ADGRV1: variants seen among roughly 807,000 people sequenced by gnomAD.
ADGRV1 encodes the protein G-protein coupled receptor 98.
A neutral mutation model predicts 596.2 loss-of-function variants in ADGRV1; 359 were observed. The observed-to-expected ratio is 0.60, with a 90% CI of 0.55 to 0.66. The LOEUF (loss-of-function observed/expected upper bound fraction) is 0.66. Among genes scored for constraint, ADGRV1 ranks in the 30% least tolerant of loss-of-function variants. The pLI, the probability that ADGRV1 is intolerant of heterozygous loss-of-function variation, is 0.00. For synonymous variants in ADGRV1, 2,681 were observed against 2,679.2 expected, an observed-to-expected ratio of 1.00 and a Z score of -0.02; for missense variants, 7,274 against 7,575.6, an observed-to-expected ratio of 0.96 and a Z score of 1.48.
intron 85 of ADGRV1, among the ~76,000 whole-genome samples, chr5:91,009,662 A>T (rs78720904): frequency 0.19 from 28,908 of 151,980 alleles, 2,920 homozygotes; most frequent in East Asian, 0.35. Context: ...TTTTAATAAA[A>T]GAATTCCATG....
chr5:90,938,273 TCTTTC>T (rs1775881697), intron 83 of ADGRV1, among the ~76,000 whole-genome samples: 2 of 152,352 alleles, frequency 1.3e-5, no homozygotes, highest in African/African-American at 4.8e-5. Flanking sequence ...AGCAACCTTT[TCTTTC>T]CTTACATCCA....
chr5:90,962,212 A>G (rs184949992), intron 83 of ADGRV1, among the ~76,000 whole-genome samples: 66 of 152,362 alleles, frequency 4.3e-4, no homozygotes, highest in African/African-American at 1.4e-3. Context: ...AGTTATACAC[A>G]AAAGAACGAG....
intron 70 of ADGRV1, among the ~76,000 whole-genome samples, chr5:90,801,212 C>T (rs1045922744): frequency 1.3e-5 from 2 of 151,898 alleles, no homozygotes; most frequent in East Asian, 1.9e-4. Flanking sequence ...TTAATCTAAC[C>T]TCTTTTCTTC....
intron 87 of ADGRV1, among the ~76,000 whole-genome samples, chr5:91,121,509 G>T (rs2126748143): frequency 6.6e-6 from 1 of 152,144 alleles, no homozygotes; most frequent in East Asian, 1.9e-4. Flanking sequence ...TCAACCCCCG[G>T]AGCTGATGGG....
intron 49 of ADGRV1, among the ~76,000 whole-genome samples, chr5:90,729,257 C>T (rs547073356): frequency 1.8e-4 from 27 of 152,152 alleles, no homozygotes; most frequent in African/African-American, 6.0e-4. Flanking sequence ...CTTGATGTGC[C>T]ATGAATAATT....
intron 83 of ADGRV1, among the ~76,000 whole-genome samples, chr5:90,865,387 A>G (rs1025442744): frequency 6.6e-6 from 1 of 152,286 alleles, no homozygotes; most frequent in Middle Eastern, 3.4e-3. Flanking sequence ...TTATAGCACT[A>G]TAGAATTACA....
rs747821416 is a variant in ADGRV1, at chr5:90,658,141, G to A, written c.4615G>A (p.Glu1539Lys). 16 of 1,613,148 alleles carry A rather than the reference G, an allele frequency of 9.9e-6. No individual in the cohort carries two copies. The South Asian group carries it at 1.8e-4, about 18-fold the overall frequency. ...ARDDNDEEGEELFILKLVSVY... is the reference protein window; with the variant it reads ...ARDDNDEEGEKLFILKLVSVY... ...AGATGACAATGACGAGGAAGGAGAA[G>A]AATTATTCATTCTTAAACTAGTTTC... Residue 1539 changes from glutamate (E) to lysine (K), a missense_variant, in exon 21 of 90, where the codon GAA becomes AAA. This residue lies in a region of ADGRV1 where 3,643 missense variants were observed against 3,809.2 expected (regional missense o/e 0.96). Coordinates refer to ENST00000405460, the MANE Select transcript of ADGRV1 (RefSeq NM_032119.4).
intron 34 of ADGRV1, 54 bp downstream of exon 34, chr5:90,697,200 T>C: frequency 6.8e-7 from 1 of 1,461,748 alleles, no homozygotes; most frequent in Non-Finnish European, 9.5e-7. Flanking sequence ...GGATGTTGTC[T>C]TTTGTCTAGT....
chr5:90,979,075 A>G (rs1278338842), intron 84 of ADGRV1, among the ~76,000 whole-genome samples: 1 of 152,150 alleles, frequency 6.6e-6, no homozygotes. Flanking sequence ...AGTAAAACAT[A>G]TCTCCACTGG....
chr5:90,613,601 C>T (rs548096067), intron 1 of ADGRV1, among the ~76,000 whole-genome samples: 122 of 152,212 alleles, frequency 8.0e-4, no homozygotes, highest in Middle Eastern at 3.4e-3. Context: ...CAAAGGAAGT[C>T]CCAATCCTTC....
At position 90,628,699 on chromosome 5, in the gene ADGRV1, C is replaced by T. The variant is rs1765116634; in HGVS notation, c.1376C>T (p.Ala459Val). ...CCGAGCTCTGGAGTTCTCCATTTTG[C>T]ACAAGGGCAGATGTTGGCAACAATT... is the stretch of plus-strand genomic sequence containing the variant. ...IRPSSGVLHFAQGQMLATIPL... is the reference protein window; with the variant it reads ...IRPSSGVLHFVQGQMLATIPL... Residue 459 changes from alanine (A) to valine (V), a missense_variant, in exon 8 of 90, where the codon GCA becomes GTA. Transcript: ENST00000405460. The T allele has an allele frequency of 1.9e-6, 3 of 1,613,892 alleles. No individual in the cohort carries two copies. Among genetic ancestry groups the T allele is most frequent in the Non-Finnish European group, 2.5e-6 (3 of 1,179,892 alleles).
At chr5:90,962,509 T>C (rs1778123225) in intron 83 of ADGRV1, among the ~76,000 whole-genome samples, 1 of 152,254 alleles carries the variant, frequency 6.6e-6, no homozygotes, top group Non-Finnish European at 1.5e-5. Context: ...TTATGTAGCC[T>C]TAAAAATGAG....
Position 90,653,686 on chromosome 5 carries a change from T to C in ADGRV1, c.4112T>C (p.Ile1371Thr). The C allele has an allele frequency of 6.2e-7, 1 of 1,613,348 alleles. No individual in the cohort carries two copies. Among genetic ancestry groups the C allele is most frequent in the East Asian group, 2.2e-5 (1 of 44,864 alleles). Residue 1371 changes from isoleucine (I) to threonine (T), a missense_variant, in exon 20 of 90, where the codon ATT becomes ACT. Physicochemically the swap from Ile to Thr is moderately conservative, Grantham distance 89 (BLOSUM62 -1). Around this residue, in one of 5 missense-constraint regions of ADGRV1, gnomAD observed 1,715 missense variants for 1,708.8 expected, o/e 1.00. Coordinates refer to ENST00000405460, the MANE Select transcript of ADGRV1 (RefSeq NM_032119.4). Reference protein sequence around the residue: ...VMPNANTNGFIIAKDDGNGSI... With the variant: ...VMPNANTNGFTIAKDDGNGSI... ...CCCAATGCCAATACGAATGGATTCA[T>C]TATAGCGAAGGATGACGGTAATGGA...
chr5:90,637,987 T>A, intron 11 of ADGRV1, 39 bp downstream of exon 11: 4 of 1,405,502 alleles, frequency 2.8e-6, no homozygotes, highest in Non-Finnish European at 3.0e-6. Context: ...ATCATTTATG[T>A]TTGAGTTCTC....
Position 91,014,441 on chromosome 5 carries a change from A to G in ADGRV1, c.18152+28919A>G, listed in dbSNP as rs767118123. Among the ~76,000 whole-genome samples the G allele has an allele frequency of 9.9e-5, 15 of 152,110 alleles. No homozygotes were observed. The South Asian group carries it at 1.9e-3, about 19-fold the overall frequency. On this transcript the variant is annotated intron_variant, in intron 85 of 89. Transcript: ENST00000405460. ...TCCTCAATTTTTTTGAATAGTTTCAATAGAAATAGTACCAGCTCTTCTTTG... is the reference window on the plus strand; with the variant it reads ...TCCTCAATTTTTTTGAATAGTTTCAGTAGAAATAGTACCAGCTCTTCTTTG...
At chr5:90,973,041 A>G (rs1384255264) in intron 84 of ADGRV1, among the ~76,000 whole-genome samples, 1 of 152,222 alleles carries the variant, frequency 6.6e-6, no homozygotes, top group African/African-American at 2.4e-5. Flanking sequence ...TCCCACAGAA[A>G]TACAGACTAC....
intron 35 of ADGRV1, 86 bp downstream of exon 35, chr5:90,703,881 G>A (rs773822944): frequency 1.1e-6 from 1 of 940,904 alleles, no homozygotes; most frequent in Non-Finnish European, 1.6e-6. Context: ...CAGCACTATT[G>A]TAGTTATTAT....
intron 85 of ADGRV1, among the ~76,000 whole-genome samples, chr5:91,047,309 T>C (rs748730301): frequency 9.9e-5 from 15 of 152,180 alleles, no homozygotes; most frequent in Non-Finnish European, 1.6e-4. Context: ...GGGACAGAAC[T>C]GTGAGGATAG....
chr5:90,872,248 C>T (rs1170418299), intron 83 of ADGRV1, among the ~76,000 whole-genome samples: 1 of 152,118 alleles, frequency 6.6e-6, no homozygotes, highest in Non-Finnish European at 1.5e-5. Flanking sequence ...TCTGCATTAT[C>T]TGTAATGGAC....
Sources: gnomAD v4.1 joint callset for allele counts (sites outside exome capture counted in the v4.1 genomes callset) on GRCh38, gnomAD v4.1.1 for gene constraint, gnomAD v4.1.1 regional missense constraint, MANE v1.5 for transcripts, NCBI Gene and HGNC (gene_info 2026-07-23, HGNC 2026-07-21) for gene names.